The following CLEC12B variants were observed in gnomAD, a reference collection of about 807,000 sequenced individuals.
The protein encoded by CLEC12B is macrophage antigen h.
Under a neutral mutation model 36.1 loss-of-function variants are expected in CLEC12B, and 25 were observed. The ratio of observed to expected loss-of-function variants is 0.69; its 90% CI spans 0.50 to 0.97. CLEC12B has a LOEUF of 0.97. Among genes scored for constraint, CLEC12B ranks in the 50% least tolerant of loss-of-function variants. CLEC12B has a pLI of 0.00. For synonymous variants in CLEC12B, 110 were observed against 108.5 expected (o/e 1.01, Z -0.09); for missense variants, 325 against 318.4 (o/e 1.02, Z -0.16).
intron 1 of CLEC12B, among the ~76,000 whole-genome samples, chr12:10,011,233 T>G (rs370750597): frequency 1.3e-5 from 2 of 152,268 alleles, no homozygotes; most frequent in East Asian, 1.9e-4. Context: ...GTAGAGGACG[T>G]TTTTCTTTTA....
upstream of CLEC12B, among the ~76,000 whole-genome samples, chr12:10,007,570 T>A (rs1036258958): frequency 6.6e-6 from 1 of 152,154 alleles, no homozygotes; most frequent in Non-Finnish European, 1.5e-5. Flanking sequence ...ATCCGTTTAG[T>A]TTGTAGAAAG....
chr12:10,013,574 G>T (rs543770466), intron 2 of CLEC12B: 1 of 152,882 alleles, frequency 6.5e-6, no homozygotes, highest in African/African-American at 2.4e-5. Flanking sequence ...ACTTTATAGG[G>T]TTGTTAAGTA....
chr12:10,011,295 A>C (rs1459599723), intron 1 of CLEC12B, among the ~76,000 whole-genome samples: 1 of 152,186 alleles, frequency 6.6e-6, no homozygotes, highest in Non-Finnish European at 1.5e-5. Flanking sequence ...GTGGATTAGA[A>C]ATAGATCAGA....
chr12:10,017,033 C>T (rs112746963), intron 5 of CLEC12B: 1 of 984,556 alleles, frequency 1.0e-6, no homozygotes, highest in Non-Finnish European at 1.2e-6. Context: ...GTCAAAGATG[C>T]CATGCTTCAG....
chr12:10,008,173 A>G (rs1193527151), upstream of CLEC12B, among the ~76,000 whole-genome samples: 1 of 152,264 alleles, frequency 6.6e-6, no homozygotes, highest in Non-Finnish European at 1.5e-5. Flanking sequence ...TGCATAGCCA[A>G]TGCCACCTGT....
At chr12:10,015,985 TA>T in intron 5 of CLEC12B, 1 of 1,180,724 alleles carries the variant, frequency 8.5e-7, no homozygotes, top group East Asian at 4.2e-5. Flanking sequence ...ACATTCAAAG[TA>T]TTTTATAAAT....
chr12:10,015,494 T>C, intron 4 of CLEC12B, 88 bp downstream of exon 4: 1 of 1,561,868 alleles, frequency 6.4e-7, no homozygotes. Context: ...ATGATGGAAA[T>C]TCAGTGCATC....
chr12:10,018,276 A>ATAGT, intron 5 of CLEC12B, 55 bp from the exon 6 acceptor site: 1 of 1,108,920 alleles, frequency 9.0e-7, no homozygotes, highest in South Asian at 1.6e-5. Flanking sequence ...AGGGCACTAA[A>ATAGT]TAGTGATCAC....
At chr12:10,016,675 T>C in intron 5 of CLEC12B, 1 of 213,920 alleles carries the variant, frequency 4.7e-6, no homozygotes, top group Non-Finnish European at 8.0e-6. Flanking sequence ...TGTTTTGGGG[T>C]ATATGTGATA....
chr12:10,017,659 G>C (rs1865519801), intron 5 of CLEC12B: 1 of 982,070 alleles, frequency 1.0e-6, no homozygotes, highest in South Asian at 4.7e-5. Context: ...AGTAAGCCTA[G>C]CCCTGAAGCA....
chr12:10,007,011 C>T (rs527919354), upstream of CLEC12B, among the ~76,000 whole-genome samples: 2 of 151,348 alleles, frequency 1.3e-5, no homozygotes, highest in South Asian at 4.2e-4. Flanking sequence ...GCCGAGATCG[C>T]GCCACTGCAC....
chr12:10,006,231 C>T (rs1865223274), upstream of CLEC12B, among the ~76,000 whole-genome samples: 1 of 152,060 alleles, frequency 6.6e-6, no homozygotes, highest in South Asian at 2.1e-4. Context: ...GGAAAAGGTA[C>T]CCATTTTTTG....
rs762917656 is a variant in CLEC12B, at chr12:10,015,747, G to C, written c.680+20G>C. The C allele has an allele frequency of 1.2e-6, 2 of 1,608,150 alleles. No individual in the cohort carries two copies. Among genetic ancestry groups the C allele is most frequent in the Non-Finnish European group, 1.7e-6 (2 of 1,178,076 alleles). On this transcript the variant is annotated intron_variant, in intron 5 of 5. Coordinates refer to ENST00000338896, the MANE Select transcript of CLEC12B (RefSeq NM_001129998.3). ...ATCCTTGTACGTCTCTAACTATTGAGGGTAAACACAAGCTTTCCATGGAAT... is the reference window on the plus strand; with the variant it reads ...ATCCTTGTACGTCTCTAACTATTGACGGTAAACACAAGCTTTCCATGGAAT...
upstream of CLEC12B, among the ~76,000 whole-genome samples, chr12:10,010,198 T>TCA (rs750091791): frequency 7.3e-3 from 707 of 96,788 alleles, 2 homozygotes; most frequent in East Asian, 0.036. Flanking sequence ...TCTGTCTCTC[T>TCA]CTCACACACA....
upstream of CLEC12B, chr12:10,010,496 A>C: frequency 3.6e-6 from 1 of 275,228 alleles, no homozygotes; most frequent in Non-Finnish European, 7.1e-6. Context: ...TTTGCTGCAC[A>C]GCAAGAAACA....
rs1200610185 is a variant in CLEC12B at position 10,018,513 on chromosome 12, A to G, written c.*32A>G. ...TCTTCCAAATTCTCCAAGAAGTAAG[A>G]GACTTGTGAGTAAGCTCATATGAGG... On this transcript the variant is annotated 3_prime_UTR_variant, in exon 6 of 6. Coordinates refer to ENST00000338896, the MANE Select transcript of CLEC12B (RefSeq NM_001129998.3). The G allele has an allele frequency of 6.5e-7, 1 of 1,532,940 alleles. No homozygotes were observed. Among genetic ancestry groups the G allele is most frequent in the Non-Finnish European group, 8.8e-7 (1 of 1,136,012 alleles). 95.0% of individuals were successfully genotyped at this position (1,532,940 alleles called of 1,614,324 possible). A position where few individuals can be genotyped will look rare whatever the true frequency, so the allele number is the denominator to read the frequency against.
At chr12:10,015,171 A>G in intron 3 of CLEC12B, 81 bp from the exon 4 acceptor site, 1 of 1,176,756 alleles carries the variant, frequency 8.5e-7, no homozygotes, top group South Asian at 1.5e-5. Flanking sequence ...CTATTGTTCA[A>G]TTACATGATT....
At chr12:10,006,434 C>A (rs1865225735), upstream of CLEC12B, among the ~76,000 whole-genome samples, 1 of 149,842 alleles carries the variant, frequency 6.7e-6, no homozygotes, top group African/African-American at 2.5e-5. Flanking sequence ...GGGTACTATT[C>A]AATTTAGTTC....
chr12:10,016,611 C>A, intron 5 of CLEC12B: 1 of 260,790 alleles, frequency 3.8e-6, no homozygotes, highest in Non-Finnish European at 6.0e-6. Context: ...AATTTAAGAT[C>A]TTTGGCATCT....
Sources: allele counts gnomAD v4.1 joint callset (sites outside exome capture counted in the v4.1 genomes callset), GRCh38; gene constraint gnomAD v4.1.1; transcripts MANE v1.5; gene names NCBI Gene and HGNC (gene_info 2026-07-23, HGNC 2026-07-21).